CPQ: variants seen among roughly 807,000 people sequenced by gnomAD.
CPQ encodes carboxypeptidase Q, also known as Ser-Met dipeptidase.
Under a neutral mutation model 45.7 loss-of-function variants are expected in CPQ, and 37 were observed. The ratio of observed to expected loss-of-function variants is 0.81; its 90% CI spans 0.62 to 1.07. CPQ has a LOEUF of 1.07. Among genes scored for constraint, CPQ ranks in the 50% least tolerant of loss-of-function variants. The pLI is 0.00. For synonymous variants in CPQ, 186 were observed against 205.8 expected (o/e 0.90, Z 0.82); for missense variants, 537 against 572.9 (o/e 0.94, Z 0.64).
intron 1 of CPQ, among the ~76,000 whole-genome samples, chr8:96,740,946 C>T (rs988306868): frequency 5.3e-5 from 8 of 151,414 alleles, no homozygotes; most frequent in African/African-American, 1.9e-4. Context: ...TGTCTCTGCC[C>T]ATCTTTGGTA....
At chr8:96,939,250 G>T (rs1240914727) in intron 4 of CPQ, among the ~76,000 whole-genome samples, 2 of 152,284 alleles carry the variant, frequency 1.3e-5, no homozygotes, top group South Asian at 2.1e-4. Flanking sequence ...GAGCATGCAT[G>T]TGCAGTTCAC....
intron 6 of CPQ, among the ~76,000 whole-genome samples, chr8:97,062,650 A>G (rs1400640849): frequency 6.6e-6 from 1 of 151,882 alleles, no homozygotes; most frequent in Admixed American, 6.6e-5. Context: ...GGTAGGTTCC[A>G]GTGTGTGTTG....
intron 7 of CPQ, among the ~76,000 whole-genome samples, chr8:97,130,296 C>T (rs185302937): frequency 3.3e-4 from 51 of 152,260 alleles, no homozygotes; most frequent in African/African-American, 1.2e-3. Context: ...CTGGCATCTG[C>T]AGCAGCAAAT....
At chr8:96,807,406 T>A (rs1475367952) in intron 2 of CPQ, among the ~76,000 whole-genome samples, 2 of 151,994 alleles carry the variant, frequency 1.3e-5, no homozygotes, top group Non-Finnish European at 2.9e-5. Context: ...GCTGATTTTT[T>A]GTATTTTTAG....
At chr8:96,828,232 C>T (rs1811403086) in intron 2 of CPQ, among the ~76,000 whole-genome samples, 2 of 152,102 alleles carry the variant, frequency 1.3e-5, no homozygotes, top group South Asian at 4.2e-4. Context: ...CTGACTTCCT[C>T]CAAGCTTTTC....
chr8:96,798,166 G>T (rs1810960724), intron 2 of CPQ, among the ~76,000 whole-genome samples: 1 of 150,458 alleles, frequency 6.6e-6, no homozygotes, highest in South Asian at 2.1e-4. Context: ...GTCTTACTCT[G>T]TTGCCCAGGC....
At chr8:96,684,563 G>A (rs967852919) in intron 1 of CPQ, among the ~76,000 whole-genome samples, 1 of 152,132 alleles carries the variant, frequency 6.6e-6, no homozygotes, top group African/African-American at 2.4e-5. Flanking sequence ...GGATCGGCTT[G>A]TCTTTAGGCC....
intron 7 of CPQ, among the ~76,000 whole-genome samples, chr8:97,082,404 T>C (rs1434707032): frequency 6.6e-6 from 1 of 152,134 alleles, no homozygotes; most frequent in East Asian, 1.9e-4. Context: ...TCAAGAGCTG[T>C]AGTCATTAAA....
At chr8:97,069,874 A>G (rs1214014729) in intron 7 of CPQ, among the ~76,000 whole-genome samples, 1 of 152,186 alleles carries the variant, frequency 6.6e-6, no homozygotes, top group Non-Finnish European at 1.5e-5. Context: ...CAAAATACTG[A>G]TAGAACTGTA....
At position 97,127,782 on chromosome 8, in the gene CPQ, C is replaced by T. The variant is rs79968713; in HGVS notation, c.1256-15238C>T. ...AAATGTCCAAAACAAACAAACTATG[C>T]AATAATGTGGATGAATTCCCAAATC... On this transcript the variant is annotated intron_variant, in intron 7 of 7. Coordinates refer to ENST00000220763, the MANE Select transcript of CPQ (RefSeq NM_016134.4). 9.2e-3 allele frequency among the ~76,000 whole-genome samples: 1,408 copies of T among 152,290 alleles called. 13 individuals are homozygous for T. The highest frequency in any genetic ancestry group is 0.014 in the Non-Finnish European group (960 of 68,020).
chr8:96,740,718 A>G (rs1810074612), intron 1 of CPQ, among the ~76,000 whole-genome samples: 1 of 152,140 alleles, frequency 6.6e-6, no homozygotes, highest in Non-Finnish European at 1.5e-5. Context: ...CTATTGAGAT[A>G]ATCATGTGGT....
rs527677182 is a variant in CPQ at position 97,045,832 on chromosome 8, G to A, written c.1053+16338G>A. Among the ~76,000 whole-genome samples, 4 of 152,312 alleles carry A rather than the reference G, an allele frequency of 2.6e-5. No individual in the cohort carries two copies. In the South Asian group the frequency reaches 8.3e-4, roughly 32 times the overall value. On this transcript the variant is annotated intron_variant, in intron 6 of 7. Coordinates refer to ENST00000220763, the MANE Select transcript of CPQ (RefSeq NM_016134.4). ...GTCTCTCTAAGACAGCTTGAGGAGT[G>A]CACGAGCAGAAGTACTGGCAGGGCT...
chr8:96,882,670 T>C (rs761481021), intron 4 of CPQ, among the ~76,000 whole-genome samples: 1 of 152,154 alleles, frequency 6.6e-6, no homozygotes, highest in African/African-American at 2.4e-5. Context: ...AGGGCTGAGA[T>C]AGTGCTGGCT....
At chr8:96,843,130 CT>C (rs1476781716) in intron 3 of CPQ, among the ~76,000 whole-genome samples, 1 of 152,136 alleles carries the variant, frequency 6.6e-6, no homozygotes, top group African/African-American at 2.4e-5. Flanking sequence ...TGGTCTTGAA[CT>C]CTCGACCTCA....
At chr8:97,050,829 T>C (rs772540339) in intron 6 of CPQ, among the ~76,000 whole-genome samples, 3 of 152,210 alleles carry the variant, frequency 2.0e-5, no homozygotes, top group Non-Finnish European at 2.9e-5. Context: ...CTGGCCTACA[T>C]AGCAACTTAA....
intron 7 of CPQ, chr8:97,092,824 G>A (rs1411487202): frequency 6.6e-6 from 1 of 152,058 alleles, no homozygotes; most frequent in East Asian, 1.9e-4. Context: ...CGACAAGTGG[G>A]ACCTAATTAA....
intron 7 of CPQ, among the ~76,000 whole-genome samples, chr8:97,123,024 TAAATAAAATAAAATAAAATAA>T (rs71271115): frequency 1.9e-4 from 5 of 26,402 alleles, no homozygotes; most frequent in African/African-American, 1.3e-3. Context: ...TAAAATAAAA[TAAATAAAATAAAATAAAATAA>T]ATAAAATAAA....
chr8:96,792,700 ATT>A (rs1810866022), intron 2 of CPQ, among the ~76,000 whole-genome samples: 1 of 152,160 alleles, frequency 6.6e-6, no homozygotes, highest in Admixed American at 6.6e-5. Flanking sequence ...TTACTCATTT[ATT>A]TGAGAAACAG....
chr8:97,040,958 G>T (rs868770372), intron 6 of CPQ, among the ~76,000 whole-genome samples: 2 of 151,974 alleles, frequency 1.3e-5, no homozygotes, highest in Admixed American at 6.6e-5. Flanking sequence ...GATTGACTTG[G>T]TGATGCGGGC....
Sources: allele counts gnomAD v4.1 joint callset (sites outside exome capture counted in the v4.1 genomes callset), GRCh38; gene constraint gnomAD v4.1.1; transcripts MANE v1.5; gene names NCBI Gene and HGNC (gene_info 2026-07-23, HGNC 2026-07-21).